Variants in MAU2 observed in about 807,000 individuals in gnomAD.
MAU2 encodes MAU2 sister chromatid cohesion factor.
MAU2 carries 9 observed loss-of-function variants against 89.1 expected under a neutral mutation model. The observed-to-expected ratio is 0.10, with a 90% CI of 0.06 to 0.18. The LOEUF is 0.18. Ranked by LOEUF, MAU2 falls within the 10% of genes least tolerant of loss-of-function variation. The pLI, the probability that MAU2 is intolerant of heterozygous loss-of-function variation, is 1.00. For missense variants in MAU2, 425 were observed against 803.5 expected, an observed-to-expected ratio of 0.53 and a Z score of 5.69; for synonymous variants, 357 against 343.4, an observed-to-expected ratio of 1.04 and a Z score of -0.44.
At chr19:19,333,949 A>G (rs1371903394) in intron 1 of MAU2, among the ~76,000 whole-genome samples, 1 of 152,068 alleles carries the variant, frequency 6.6e-6, no homozygotes, top group Non-Finnish European at 1.5e-5. Flanking sequence ...AATCAGAACC[A>G]CCAAATCTCA....
intron 18 of MAU2, 140 bp from the exon 19 acceptor site, chr19:19,355,568 T>G (rs2048168150): frequency 1.7e-6 from 2 of 1,177,684 alleles, no homozygotes; most frequent in Middle Eastern, 2.0e-4. Context: ...GACCCAGGTG[T>G]CTCCTCGGGG....
Position 19,345,208 on chromosome 19 carries a change from C to A in MAU2, c.1156-96C>A. ...TCGGTAGAGCCATTGTCATACTCCT[C>A]CAGGGCAGCCGTGCAGGCCCCGGGC... On this transcript the variant is annotated intron_variant, in intron 11 of 18. Transcript: ENST00000262815. This position sits in a 1 kb window ranked among gnomAD's most constrained non-coding sequence, Gnocchi z 4.9. 1 of 1,106,590 alleles carries A rather than the reference C, an allele frequency of 9.0e-7. No homozygotes were observed. The highest frequency in any genetic ancestry group is 1.4e-6 in the Non-Finnish European group (1 of 726,952). The allele number at this position is 1,106,590 out of a possible 1,614,324, so 68.5% of individuals were successfully genotyped here.
chr19:19,356,552 C>T lies in MAU2; in HGVS notation c.*770C>T, dbSNP rs946599672. 24 of 160,142 alleles carry T rather than the reference C, an allele frequency of 1.5e-4. No homozygotes were observed. Among genetic ancestry groups the T allele is most frequent in the Non-Finnish European group, 2.9e-4 (21 of 73,038 alleles). The allele number at this position is 160,142 out of a possible 1,614,324, so 9.9% of individuals were successfully genotyped here. ...TGTTGCACCAGCCACCTTCCCCCAT[C>T]TTGTGGCTGCTGAGGGGCAGGAAGC... On this transcript the variant is annotated 3_prime_UTR_variant, in exon 19 of 19. Transcript: ENST00000262815.
rs771712902 is a variant in MAU2 at position 19,336,098 on chromosome 19, A to G, written c.295-24A>G. The G allele has an allele frequency of 7.5e-6, 12 of 1,591,244 alleles. No individual in the cohort carries two copies. In the South Asian group the frequency reaches 9.9e-5, roughly 13 times the overall value. ...AACCGACCTTTTTCGCAGTGTCTGTACTTCCTTAACTGGACGTCACTAGAT... is the reference window on the plus strand; with the variant it reads ...AACCGACCTTTTTCGCAGTGTCTGTGCTTCCTTAACTGGACGTCACTAGAT... On this transcript the variant is annotated intron_variant, in intron 2 of 18. Transcript: ENST00000262815.
intron 16 of MAU2, among the ~76,000 whole-genome samples, chr19:19,352,075 C>T (rs1041711291): frequency 3.3e-5 from 5 of 152,042 alleles, no homozygotes; most frequent in Non-Finnish European, 7.4e-5. Flanking sequence ...TCTCAAACTC[C>T]TGACCTCAGG....
At chr19:19,339,128 C>T (rs533623898) in intron 5 of MAU2, among the ~76,000 whole-genome samples, 189 bp downstream of exon 5, 1 of 152,214 alleles carries the variant, frequency 6.6e-6, no homozygotes, top group East Asian at 1.9e-4. Context: ...GCCTGGGGAA[C>T]ATAGTGAAAC....
intron 5 of MAU2, among the ~76,000 whole-genome samples, chr19:19,339,476 C>T (rs755710502): frequency 9.9e-5 from 15 of 151,060 alleles, no homozygotes; most frequent in Non-Finnish European, 2.1e-4. Flanking sequence ...CCATGAGGCG[C>T]GGGTTTGAGC....
chr19:19,326,464 A>C (rs1473345300), intron 1 of MAU2, among the ~76,000 whole-genome samples: 2 of 151,650 alleles, frequency 1.3e-5, no homozygotes, highest in East Asian at 3.9e-4. Context: ...AGGTGGGCGG[A>C]TCACGAGGTC....
chr19:19,341,114 G>T (rs762012326), intron 6 of MAU2, 138 bp from the exon 7 acceptor site: 22 of 1,104,740 alleles, frequency 2.0e-5, no homozygotes, highest in Non-Finnish European at 2.8e-5. Context: ...AGCTGCCTGG[G>T]CTGGGGTTTC....
chr19:19,346,577 G>A (rs1450465974), intron 12 of MAU2, among the ~76,000 whole-genome samples: 1 of 152,110 alleles, frequency 6.6e-6, no homozygotes, highest in Non-Finnish European at 1.5e-5. Flanking sequence ...AAGATCCTCT[G>A]GGCCTCCTGG....
At chr19:19,354,592 T>C (rs1599930065) in intron 17 of MAU2, 147 bp downstream of exon 17, 1 of 688,904 alleles carries the variant, frequency 1.5e-6, no homozygotes, top group East Asian at 2.7e-5. Flanking sequence ...GGGGTGCTCC[T>C]CAGGAGACCC....
Position 19,345,436 on chromosome 19 carries a change from C to A in MAU2, c.1221+67C>A. ...TTCTGAGTAAGGAGTCGGGCGTGGT[C>A]TGTGATGAGGACAGCAGTCGCGCTA... On this transcript the variant is annotated intron_variant, in intron 12 of 18. Transcript: ENST00000262815. This position sits in a 1 kb window ranked among gnomAD's most constrained non-coding sequence, Gnocchi z 4.9. 6.7e-7 allele frequency: 1 copy of A among 1,503,270 alleles called. No homozygotes were observed. Among genetic ancestry groups the A allele is most frequent in the South Asian group, 1.1e-5 (1 of 88,724 alleles). 93.1% of individuals were successfully genotyped at this position (1,503,270 alleles called of 1,614,324 possible). A position where few individuals can be genotyped will look rare whatever the true frequency, so the allele number is the denominator to read the frequency against.
intron 17 of MAU2, 181 bp from the exon 18 acceptor site, chr19:19,355,083 A>AG (rs2048161855): frequency 2.7e-6 from 2 of 737,528 alleles, no homozygotes; most frequent in Non-Finnish European, 4.3e-6. Flanking sequence ...CTGCCCTATG[A>AG]GGGCGGCTGG....
At chr19:19,335,001 G>A (rs1472550078) in intron 1 of MAU2, among the ~76,000 whole-genome samples, 1 of 152,164 alleles carries the variant, frequency 6.6e-6, no homozygotes, top group Non-Finnish European at 1.5e-5. Context: ...TTGTGTGCTT[G>A]GGACCCTGGG....
At chr19:19,326,373 C>G (rs2061503813) in intron 1 of MAU2, among the ~76,000 whole-genome samples, 1 of 151,518 alleles carries the variant, frequency 6.6e-6, no homozygotes, top group South Asian at 2.1e-4. Context: ...GGCAACATAG[C>G]AAAACCCTGT....
chr19:19,340,540 G>A (rs961545795), intron 5 of MAU2, among the ~76,000 whole-genome samples: 1 of 152,052 alleles, frequency 6.6e-6, no homozygotes, highest in African/African-American at 2.4e-5. Flanking sequence ...TCAGGAGGCT[G>A]AGGCAGGAGA....
At chr19:19,337,136 T>C (rs199534341) in intron 3 of MAU2, 34 bp from the exon 4 acceptor site, 1 of 1,531,620 alleles carries the variant, frequency 6.5e-7, no homozygotes, top group Non-Finnish European at 9.0e-7. Context: ...TTTTTTTTTT[T>C]CTTACATTCC....
chr19:19,335,185 C>T (rs573965236), intron 1 of MAU2, among the ~76,000 whole-genome samples: 1 of 152,350 alleles, frequency 6.6e-6, no homozygotes, highest in South Asian at 2.1e-4. Context: ...GGAGCCCCCT[C>T]CCTCCCCTCT....
In MAU2 at chr19:19,347,106, GA is replaced by G. The variant is rs1184007338; in HGVS notation, c.1222-172del. On this transcript the variant is annotated intron_variant, in intron 12 of 18. Transcript: ENST00000262815. ...AACGCAGATGATGGTTTTATAATGAGAAGAAGTAATAGCTGTGTTATCCTTG... is the reference window on the plus strand; with the variant it reads ...AACGCAGATGATGGTTTTATAATGAGAGAAGTAATAGCTGTGTTATCCTTG... The G allele has an allele frequency of 8.6e-6, 5 of 581,260 alleles. No individual in the cohort carries two copies. The African/African-American group carries it at 9.4e-5, about 11-fold the overall frequency. The allele number at this position is 581,260 out of a possible 1,614,324, so 36.0% of individuals were successfully genotyped here. A position where few individuals can be genotyped will look rare whatever the true frequency, so the allele number is the denominator to read the frequency against.
Sources: allele counts gnomAD v4.1 joint callset (sites outside exome capture counted in the v4.1 genomes callset), GRCh38; gene constraint gnomAD v4.1.1; non-coding constraint Gnocchi (gnomAD v3.1); transcripts MANE v1.5; gene names NCBI Gene and HGNC (gene_info 2026-07-23, HGNC 2026-07-21).